BCO2: variants seen among roughly 807,000 people sequenced by gnomAD.
The protein encoded by BCO2 is beta-carotene oxygenase 2, also known as carotenoid-cleaving dioxygenase, mitochondrial.
A neutral mutation model predicts 65.8 loss-of-function variants in BCO2; 56 were observed. The ratio of observed to expected loss-of-function variants is 0.85; its 90% confidence interval spans 0.69 to 1.06. The LOEUF (loss-of-function observed/expected upper bound fraction) is 1.06. Among genes scored for constraint, BCO2 ranks in the 50% least tolerant of loss-of-function variants. The pLI is 0.00. For synonymous variants in BCO2, 233 were observed against 242.3 expected (o/e 0.96, Z 0.36); for missense variants, 675 against 698.5 (o/e 0.97, Z 0.38).
At chr11:112,210,175 T>G (rs1395489371) in intron 8 of BCO2, among the ~76,000 whole-genome samples, 1 of 152,258 alleles carries the variant, frequency 6.6e-6, no homozygotes, top group African/African-American at 2.4e-5. Flanking sequence ...AATTCTCAGT[T>G]TAAAATAATT....
At chr11:112,200,539 T>TC in intron 6 of BCO2, 74 bp from the exon 7 acceptor site, 1 of 1,366,674 alleles carries the variant, frequency 7.3e-7, no homozygotes, top group Non-Finnish European at 1.0e-6. Context: ...TTCAGACAAG[T>TC]CCCCATAACT....
At chr11:112,201,236 C>T (rs1175751081) in intron 7 of BCO2, among the ~76,000 whole-genome samples, 1 of 151,966 alleles carries the variant, frequency 6.6e-6, no homozygotes, top group Admixed American at 6.6e-5. Context: ...CAACCTCCAC[C>T]TCCCGGGTTC....
At chr11:112,188,052 A>T (rs1166411020) in intron 2 of BCO2, among the ~76,000 whole-genome samples, 1 of 151,942 alleles carries the variant, frequency 6.6e-6, no homozygotes, top group Non-Finnish European at 1.5e-5. Flanking sequence ...TCAAACATGG[A>T]TCTCCCACCC....
At chr11:112,184,416 C>A (rs1867142810) in intron 2 of BCO2, among the ~76,000 whole-genome samples, 4 of 151,992 alleles carry the variant, frequency 2.6e-5, no homozygotes, top group Admixed American at 2.6e-4. Flanking sequence ...CCACGCCTGG[C>A]TAATTTTTTT....
intron 9 of BCO2, among the ~76,000 whole-genome samples, chr11:112,214,341 G>T (rs1054455575): frequency 1.3e-5 from 2 of 152,006 alleles, no homozygotes; most frequent in Non-Finnish European, 2.9e-5. Context: ...TTGAGATGGG[G>T]TTTTGCCATG....
In BCO2 at chr11:112,199,770, G is replaced by A; in HGVS notation, c.808G>A (p.Val270Met). 6.2e-7 allele frequency: 1 copy of A among 1,613,944 alleles called. No individual in the cohort carries two copies. The highest frequency in any genetic ancestry group is 1.1e-5 in the South Asian group (1 of 91,076). ...DLGETIHGVQ[V>M]ICSIASTEKG... ...TGGGGAGACAATCCATGGAGTCCAG[G>A]TGATATGTTCTATTGCTTCTACAGA... The change falls in exon 6 of 12, where the codon GTG (valine) becomes ATG (methionine). Residue 270 changes from valine to methionine, a missense_variant. Val to Met is a conservative substitution (Grantham distance 21). Transcript: ENST00000357685.
At chr11:112,199,626 C>G in intron 5 of BCO2, 73 bp from the exon 6 acceptor site, 4 of 1,415,050 alleles carry the variant, frequency 2.8e-6, no homozygotes, top group Non-Finnish European at 3.9e-6. Context: ...TTTGGCAAGT[C>G]CACAAGTGCA....
chr11:112,193,830 C>A, intron 3 of BCO2, 49 bp from the exon 4 acceptor site: 2 of 1,445,470 alleles, frequency 1.4e-6, no homozygotes, highest in South Asian at 1.1e-5. Flanking sequence ...TGCTTAGCGT[C>A]GTCTACAGTA....
At chr11:112,194,590 A>T in intron 4 of BCO2, 63 bp from the exon 5 acceptor site, 1 of 933,332 alleles carries the variant, frequency 1.1e-6, no homozygotes, top group Non-Finnish European at 1.7e-6. Flanking sequence ...AGATATTTCT[A>T]CTATTTATGC....
At chr11:112,213,908 GTTAC>G in intron 9 of BCO2, 47 bp downstream of exon 9, 1 of 948,282 alleles carries the variant, frequency 1.1e-6, no homozygotes, top group Non-Finnish European at 1.5e-6. Flanking sequence ...CTTTAATGGT[GTTAC>G]TTTATTCTTT....
chr11:112,194,281 G>A (rs1867493442), intron 4 of BCO2: 1 of 421,060 alleles, frequency 2.4e-6, no homozygotes, highest in Non-Finnish European at 4.3e-6. Context: ...GTTCTTCCTA[G>A]CTATGGTTAG....
rs542978634 is a variant in BCO2, at chr11:112,202,579, A to T, written c.1194+389A>T. 1.8e-4 allele frequency among the ~76,000 whole-genome samples: 27 copies of T among 152,214 alleles called. No homozygotes were observed. The South Asian group carries it at 4.4e-3, about 25-fold the overall frequency. ...TTACAGGCATGAGACACCATGCCTG[A>T]CCTAGGAATTACGTGTTTCTCTTGT... On this transcript the variant is annotated intron_variant, in intron 8 of 11. Coordinates refer to ENST00000357685, the MANE Select transcript of BCO2 (RefSeq NM_031938.7).
rs1866972156 is a variant in BCO2 at position 112,179,482 on chromosome 11, A to C, written c.293A>C (p.Lys98Thr). The change falls in exon 2 of 12, where the codon AAG becomes ACG. Residue 98 changes from lysine (K) to threonine (T), a missense_variant and splice_region_variant. Lys to Thr is a moderately conservative substitution (Grantham distance 78). Coordinates refer to ENST00000357685, the MANE Select transcript of BCO2 (RefSeq NM_031938.7). ...GGGAAATTCGAGTTTGGGAAGGATAAGTAAGCCTTGATTTTGGAGAACAAC... is the reference window on the plus strand; with the variant it reads ...GGGAAATTCGAGTTTGGGAAGGATACGTAAGCCTTGATTTTGGAGAACAAC... The part of the protein sequence containing the change: ...GPGKFEFGKD[K>T]YNHWFDGMAL... The C allele has an allele frequency of 2.5e-6, 4 of 1,613,488 alleles. No homozygotes were observed. Among genetic ancestry groups the C allele is most frequent in the Non-Finnish European group, 3.4e-6 (4 of 1,179,528 alleles).
At chr11:112,217,585 C>T (rs1859717665) in intron 11 of BCO2, among the ~76,000 whole-genome samples, 176 bp from the exon 12 acceptor site, 1 of 152,062 alleles carries the variant, frequency 6.6e-6, no homozygotes, top group Non-Finnish European at 1.5e-5. Flanking sequence ...TGGTCTTCAA[C>T]CATGATCTCA....
intron 2 of BCO2, among the ~76,000 whole-genome samples, chr11:112,192,943 T>TTTTTTTTG (rs1555195002): frequency 7.7e-6 from 1 of 129,484 alleles, no homozygotes; most frequent in African/African-American, 2.9e-5. Context: ...TTTTTTTTTT[T>TTTTTTTTG]GACAGGGGTA....
intron 6 of BCO2, 60 bp downstream of exon 6, chr11:112,199,887 G>A (rs1396555568): frequency 2.5e-6 from 4 of 1,569,572 alleles, no homozygotes; most frequent in Non-Finnish European, 3.5e-6. Flanking sequence ...TGTAGCAGAA[G>A]GACTAGTCTG....
chr11:112,207,203 T>C (rs747823279), intron 8 of BCO2, among the ~76,000 whole-genome samples: 3 of 152,188 alleles, frequency 2.0e-5, no homozygotes, highest in African/African-American at 7.2e-5. Context: ...TCGAGTTGAA[T>C]AGAAGTGCAA....
intron 9 of BCO2, 31 bp from the exon 10 acceptor site, chr11:112,214,731 C>G (rs1859607229): frequency 6.3e-7 from 1 of 1,581,314 alleles, no homozygotes; most frequent in African/African-American, 1.4e-5. Context: ...AATTAAGCAA[C>G]CACTACAAAT....
Position 112,216,232 on chromosome 11 carries a change from G to A in BCO2, c.1528G>A (p.Asp510Asn), listed in dbSNP as rs1452226456. The A allele has an allele frequency of 9.3e-6, 15 of 1,613,820 alleles. No homozygotes were observed. Among genetic ancestry groups the A allele is most frequent in the Non-Finnish European group, 1.2e-5 (14 of 1,179,840 alleles). Reference protein sequence around the residue: ...VNKTLKVWREDGFYPSEPVFV... With the variant: ...VNKTLKVWRENGFYPSEPVFV... ...TTGGGACTTGCAGGTTTGGAGAGAA[G>A]ATGGCTTTTATCCCTCAGAACCTGT... The change falls in exon 11 of 12, where the codon GAT becomes AAT. Residue 510 changes from aspartate to asparagine, a missense_variant. Asp to Asn is a conservative substitution (Grantham distance 23, BLOSUM62 1). Coordinates refer to ENST00000357685, the MANE Select transcript of BCO2 (RefSeq NM_031938.7).
Sources: gnomAD v4.1 joint callset for allele counts (sites outside exome capture counted in the v4.1 genomes callset) on GRCh38, gnomAD v4.1.1 for gene constraint, MANE v1.5 for transcripts, NCBI Gene and HGNC (gene_info 2026-07-23, HGNC 2026-07-21) for gene names.